The following TANGO6 variants were observed in gnomAD, a reference collection of about 807,000 sequenced individuals.
TANGO6 encodes transport and Golgi organization protein 6 homolog.
Under a neutral mutation model 114.2 loss-of-function variants are expected in TANGO6, and 90 were observed. That is an observed-to-expected ratio of 0.79 (90% CI 0.66 to 0.94). TANGO6 has a LOEUF of 0.94. TANGO6 is among the 40% of genes least tolerant of loss of function. The probability of loss-of-function intolerance (pLI) is 0.00; values close to 1 mark genes in which losing one functional copy is unlikely to be tolerated. For missense variants in TANGO6, 1,274 were observed against 1,315.3 expected, an observed-to-expected ratio of 0.97 and a Z score of 0.49; for synonymous variants, 477 against 509.8, an observed-to-expected ratio of 0.94 and a Z score of 0.87.
intron 12 of TANGO6, among the ~76,000 whole-genome samples, chr16:68,921,738 T>G (rs970545447): frequency 4.6e-5 from 7 of 151,720 alleles, no homozygotes; most frequent in Non-Finnish European, 1.0e-4. Context: ...GGGCTGGCTG[T>G]GCACATTAGT....
chr16:68,859,427 T>C (rs1962053082), intron 1 of TANGO6, among the ~76,000 whole-genome samples: 1 of 152,136 alleles, frequency 6.6e-6, no homozygotes, highest in South Asian at 2.1e-4. Context: ...CACTTTGGCC[T>C]CCCAAAGTGC....
At chr16:68,929,765 A>G (rs753731275) in intron 13 of TANGO6, among the ~76,000 whole-genome samples, 8 of 152,238 alleles carry the variant, frequency 5.3e-5, no homozygotes, top group Non-Finnish European at 7.3e-5. Context: ...TCAAAAATAA[A>G]TTAGAACAGA....
At chr16:69,078,553 C>T (rs924664656) in intron 17 of TANGO6, among the ~76,000 whole-genome samples, 1 of 152,106 alleles carries the variant, frequency 6.6e-6, no homozygotes, top group Admixed American at 6.6e-5. Flanking sequence ...CACTCTCTCT[C>T]TGCTCCCTGT....
intron 16 of TANGO6, 120 bp downstream of exon 16, chr16:69,023,099 G>C: frequency 1.9e-6 from 2 of 1,076,824 alleles, no homozygotes; most frequent in South Asian, 1.8e-5. Flanking sequence ...CTCCCTGTGA[G>C]ACAGGGCAAG....
chr16:68,904,611 A>C (rs1382412677), intron 9 of TANGO6, among the ~76,000 whole-genome samples: 2 of 152,076 alleles, frequency 1.3e-5, no homozygotes, highest in African/African-American at 4.8e-5. Flanking sequence ...TTTTTTTCTC[A>C]ACTTAGTCTG....
chr16:68,878,388 C>A, intron 6 of TANGO6, 108 bp downstream of exon 6: 1 of 1,297,532 alleles, frequency 7.7e-7, no homozygotes, highest in Non-Finnish European at 1.0e-6. Context: ...AGTTTTCCTT[C>A]CCCTCCCCCC....
At chr16:69,004,817 A>G (rs775843293) in intron 15 of TANGO6, among the ~76,000 whole-genome samples, 6 of 152,214 alleles carry the variant, frequency 3.9e-5, no homozygotes, top group African/African-American at 9.6e-5. Context: ...AACTTTTTCT[A>G]TCTGTCTTTC....
At chr16:68,936,526 G>T (rs537483356) in intron 14 of TANGO6, among the ~76,000 whole-genome samples, 1 of 151,980 alleles carries the variant, frequency 6.6e-6, no homozygotes, top group South Asian at 2.1e-4. Flanking sequence ...GTAGACACAG[G>T]GTTTCACCGT....
rs1210444426 is a variant in TANGO6, at chr16:68,860,302, T to C, written c.513T>C (p.Tyr171=). The C allele has an allele frequency of 4.3e-6, 7 of 1,613,872 alleles. No homozygotes were observed. The highest frequency in any genetic ancestry group is 2.2e-5 in the East Asian group (1 of 44,898). Reference sequence around the variant, plus strand: ...CTGGTGTTGGAGTCCCTTTGAGATATAGAACTGAATTTGGTGCCGTCGTTC... The same window carrying C: ...CTGGTGTTGGAGTCCCTTTGAGATACAGAACTGAATTTGGTGCCGTCGTTC... The part of the protein sequence containing the change: ...LMPGVGVPLR[Y]RTEFGAVVQD... The change falls in exon 2 of 18, where the codon TAT becomes TAC. Residue 171 remains tyrosine, a synonymous_variant. Transcript: ENST00000261778.
intron 17 of TANGO6, among the ~76,000 whole-genome samples, chr16:69,044,964 A>G (rs962620090): frequency 6.6e-6 from 1 of 151,970 alleles, no homozygotes; most frequent in Non-Finnish European, 1.5e-5. Flanking sequence ...GTTCGAGACC[A>G]GCCTGACCAA....
chr16:68,993,986 T>G (rs1963968513), intron 15 of TANGO6, among the ~76,000 whole-genome samples: 1 of 152,218 alleles, frequency 6.6e-6, no homozygotes, highest in African/African-American at 2.4e-5. Context: ...GGTAACACAC[T>G]AGGGTAGAGT....
chr16:69,025,501 C>T (rs1959486033), intron 16 of TANGO6, among the ~76,000 whole-genome samples: 1 of 152,158 alleles, frequency 6.6e-6, no homozygotes, highest in Admixed American at 6.5e-5. Flanking sequence ...CACTCAAAGG[C>T]GGGCCCCACA....
At chr16:69,044,512 G>A (rs1442053842) in intron 17 of TANGO6, among the ~76,000 whole-genome samples, 1 of 152,022 alleles carries the variant, frequency 6.6e-6, no homozygotes, top group Admixed American at 6.6e-5. Flanking sequence ...TTAACCTAGG[G>A]ACAAGTATAC....
At chr16:68,947,507 A>G (rs9934470) in intron 14 of TANGO6, among the ~76,000 whole-genome samples, 13,222 of 152,138 alleles carry the variant, frequency 0.087, 659 homozygotes, top group African/African-American at 0.13. Context: ...ATTAAAATTA[A>G]ATAATGCTTA....
intron 11 of TANGO6, among the ~76,000 whole-genome samples, chr16:68,911,172 G>T (rs1453687326): frequency 6.6e-6 from 1 of 151,358 alleles, no homozygotes; most frequent in East Asian, 2.0e-4. Context: ...GGCTGGACTT[G>T]AATTCCTGGG....
chr16:68,968,363 CTT>C (rs778462725), intron 14 of TANGO6, among the ~76,000 whole-genome samples: 15 of 139,266 alleles, frequency 1.1e-4, no homozygotes, highest in Non-Finnish European at 1.6e-4. Context: ...CGCACCTGGC[CTT>C]TTTTTTTTTT....
At chr16:68,938,534 A>G (rs559700561) in intron 14 of TANGO6, among the ~76,000 whole-genome samples, 1 of 152,078 alleles carries the variant, frequency 6.6e-6, no homozygotes, top group African/African-American at 2.4e-5. Flanking sequence ...TCTCAACTCC[A>G]TTTTAGTTGG....
chr16:69,022,848 C>G lies in TANGO6; in HGVS notation c.2863C>G (p.Arg955Gly), dbSNP rs763066438. 1 of 1,585,018 alleles carries G rather than the reference C, an allele frequency of 6.3e-7. No homozygotes were observed. Residue 955 changes from arginine to glycine, a missense_variant, in exon 16 of 18, where the codon CGA (arginine) becomes GGA (glycine). Arg to Gly is a moderately radical substitution (Grantham distance 125). Coordinates refer to ENST00000261778, the MANE Select transcript of TANGO6 (RefSeq NM_024562.2). Reference protein sequence around the residue: ...RALGDMVSKYREPLIHTFLRG... With the variant: ...RALGDMVSKYGEPLIHTFLRG... ...TATAGGAGACATGGTCTCAAAGTAC[C>G]GAGAACCTTTGATCCATACCTTCCT... is the stretch of plus-strand genomic sequence containing the variant.
chr16:69,034,433 C>G (rs1390184679), intron 16 of TANGO6: 1 of 157,510 alleles, frequency 6.3e-6, no homozygotes, highest in South Asian at 2.0e-4. Flanking sequence ...GACTATTCAC[C>G]AAGCCTCCCT....
Sources: gnomAD v4.1 joint callset for allele counts (sites outside exome capture counted in the v4.1 genomes callset) on GRCh38, gnomAD v4.1.1 for gene constraint, MANE v1.5 for transcripts, NCBI Gene and HGNC (gene_info 2026-07-23, HGNC 2026-07-21) for gene names.